UBE3C: variants seen among roughly 807,000 people sequenced by gnomAD.
UBE3C encodes the protein ubiquitin protein ligase E3C.
Under a neutral mutation model 129.4 loss-of-function variants are expected in UBE3C, and 42 were observed. The observed-to-expected ratio is 0.32, with a 90% CI of 0.25 to 0.42. UBE3C has a LOEUF of 0.42. Among genes scored for constraint, UBE3C ranks in the 10% least tolerant of loss-of-function variants. The probability of loss-of-function intolerance (pLI) is 1.00; values close to 1 mark genes in which losing one functional copy is unlikely to be tolerated. For missense variants in UBE3C, 1,049 were observed against 1,319.1 expected (o/e 0.80, Z 3.17); for synonymous variants, 510 against 492.4 (o/e 1.04, Z -0.47).
chr7:157,196,019 G>T (rs28459514), intron 10 of UBE3C, among the ~76,000 whole-genome samples: 2 of 152,098 alleles, frequency 1.3e-5, no homozygotes, highest in Admixed American at 1.3e-4. Context: ...AAGACGAGGC[G>T]ATAAGCCCAG....
At position 157,248,335 on chromosome 7, in the gene UBE3C, C is replaced by A. The variant is rs73743327; in HGVS notation, c.2482-33C>A. 2.5e-6 allele frequency: 4 copies of A among 1,583,166 alleles called. No individual in the cohort carries two copies. The South Asian group carries it at 3.4e-5, about 13-fold the overall frequency. On this transcript the variant is annotated intron_variant, in intron 18 of 22. Transcript: ENST00000348165. ...TTTGTTTGTAGAAGGCTTGTATATT[C>A]GATGCTAACGTTGTCACTGTTCTCT...
intron 4 of UBE3C, among the ~76,000 whole-genome samples, chr7:157,171,513 G>A (rs1469450562): frequency 3.3e-5 from 5 of 151,408 alleles, no homozygotes; most frequent in Non-Finnish European, 7.4e-5. Flanking sequence ...TCAGTGCTGA[G>A]GAACAGTGTG....
intron 14 of UBE3C, among the ~76,000 whole-genome samples, chr7:157,218,163 C>T (rs936188447): frequency 2.6e-5 from 4 of 151,888 alleles, no homozygotes; most frequent in African/African-American, 7.3e-5. Context: ...GAAACCATGT[C>T]GGCTGGGCGC....
At chr7:157,147,312 A>C (rs1422647390) in intron 1 of UBE3C, among the ~76,000 whole-genome samples, 1 of 152,154 alleles carries the variant, frequency 6.6e-6, no homozygotes, top group African/African-American at 2.4e-5. Flanking sequence ...ATTGTGTTTC[A>C]GTTTCAAATT....
chr7:157,216,764 C>G lies in UBE3C; in HGVS notation c.1810-103C>G, dbSNP rs181415142. ...TTTGGTGTCCGGCTCGACCTGGGTT[C>G]CTGCACCACCGCTGTGTGCTCCTCC... On this transcript the variant is annotated intron_variant, in intron 13 of 22. Coordinates refer to ENST00000348165, the MANE Select transcript of UBE3C (RefSeq NM_014671.3). The G allele has an allele frequency of 1.6e-5, 14 of 870,708 alleles. No individual in the cohort carries two copies. The African/African-American group carries it at 2.2e-4, about 14-fold the overall frequency. The allele number at this position is 870,708 out of a possible 1,614,324, so 53.9% of individuals were successfully genotyped here.
chr7:157,201,738 C>T lies in UBE3C; in HGVS notation c.1349C>T (p.Ala450Val). The T allele has an allele frequency of 1.9e-6, 3 of 1,590,248 alleles. No individual in the cohort carries two copies. Among genetic ancestry groups the T allele is most frequent in the Non-Finnish European group, 2.6e-6 (3 of 1,169,088 alleles). Residue 450 changes from alanine (A) to valine (V), a missense_variant, in exon 11 of 23, where the codon GCC (alanine) becomes GTC (valine). Transcript: ENST00000348165. Reference protein sequence around the residue: ...VPKVRLLYSLAFNARFLRHLW... With the variant: ...VPKVRLLYSLVFNARFLRHLW... ...CTTTTTAGGCTTCTCTACAGTTTAG[C>T]CTTTAATGCCAGGTTTCTGAGACAT...
intron 1 of UBE3C, among the ~76,000 whole-genome samples, chr7:157,163,025 G>T (rs1416321130): frequency 6.6e-6 from 1 of 151,970 alleles, no homozygotes; most frequent in South Asian, 2.1e-4. Flanking sequence ...TTTCATCAAA[G>T]AAATTGATTT....
Position 157,207,384 on chromosome 7 carries a change from T to G in UBE3C, c.1419-14T>G. On this transcript the variant is annotated splice_polypyrimidine_tract_variant and intron_variant, in intron 11 of 22. Transcript: ENST00000348165. Reference sequence around the variant, plus strand: ...TAAAGTGACTGGTTTTTTTCTTCTTTTCTTTAATTCAAGGTCTATGGTACC... The same window carrying G: ...TAAAGTGACTGGTTTTTTTCTTCTTGTCTTTAATTCAAGGTCTATGGTACC... The G allele has an allele frequency of 6.3e-7, 1 of 1,592,326 alleles. No individual in the cohort carries two copies. Among genetic ancestry groups the G allele is most frequent in the Non-Finnish European group, 8.5e-7 (1 of 1,175,500 alleles).
At chr7:157,158,591 T>C (rs1807981858) in intron 1 of UBE3C, among the ~76,000 whole-genome samples, 1 of 152,228 alleles carries the variant, frequency 6.6e-6, no homozygotes, top group Non-Finnish European at 1.5e-5. Context: ...TGTCTAATGA[T>C]TTAGCTCATT....
chr7:157,253,519 T>A (rs1426669581), intron 19 of UBE3C, among the ~76,000 whole-genome samples: 1 of 152,226 alleles, frequency 6.6e-6, no homozygotes, highest in East Asian at 1.9e-4. Flanking sequence ...CACAGGTAAG[T>A]GTGTGCTGCT....
chr7:157,187,311 T>C (rs1444021319), intron 10 of UBE3C, among the ~76,000 whole-genome samples: 1 of 152,158 alleles, frequency 6.6e-6, no homozygotes, highest in African/African-American at 2.4e-5. Flanking sequence ...GCTGGACTCA[T>C]ACCTGCATTA....
At chr7:157,145,297 C>T (rs1439634294) in intron 1 of UBE3C, among the ~76,000 whole-genome samples, 1 of 151,000 alleles carries the variant, frequency 6.6e-6, no homozygotes, top group Non-Finnish European at 1.5e-5. Flanking sequence ...GAGGGTGTAT[C>T]ACCTGGAGTC....
intron 16 of UBE3C, 23 bp from the exon 17 acceptor site, chr7:157,225,384 T>G (rs1429624770): frequency 6.3e-6 from 10 of 1,588,818 alleles, no homozygotes; most frequent in Non-Finnish European, 8.5e-6. Context: ...TCTAATAACC[T>G]TACAGCTTTC....
At chr7:157,202,579 C>A (rs565439641) in intron 11 of UBE3C, among the ~76,000 whole-genome samples, 9 of 152,248 alleles carry the variant, frequency 5.9e-5, no homozygotes, top group African/African-American at 2.2e-4. Flanking sequence ...ATCGCTTAAA[C>A]CTGGAAGGCG....
At chr7:157,200,923 C>G (rs940350760) in intron 10 of UBE3C, among the ~76,000 whole-genome samples, 1 of 151,928 alleles carries the variant, frequency 6.6e-6, no homozygotes, top group Admixed American at 6.6e-5. Flanking sequence ...GCCTAAAAAT[C>G]TTTAAGATAC....
intron 21 of UBE3C, among the ~76,000 whole-genome samples, chr7:157,255,814 T>C (rs1796737361): frequency 6.6e-6 from 1 of 152,202 alleles, no homozygotes; most frequent in South Asian, 2.1e-4. Flanking sequence ...TGGCAGACAT[T>C]ACATTTCAGA....
At chr7:157,229,041 C>T (rs936925985) in intron 17 of UBE3C, among the ~76,000 whole-genome samples, 2 of 152,158 alleles carry the variant, frequency 1.3e-5, no homozygotes, top group Non-Finnish European at 2.9e-5. Context: ...TGACTATGCA[C>T]CAAAGCCAAC....
At chr7:157,172,869 A>G (rs776039379) in intron 4 of UBE3C, among the ~76,000 whole-genome samples, 13 of 152,192 alleles carry the variant, frequency 8.5e-5, no homozygotes, top group South Asian at 2.1e-4. Flanking sequence ...CAGAGCACCT[A>G]TTGCCTTTGA....
intron 19 of UBE3C, among the ~76,000 whole-genome samples, chr7:157,250,336 A>G (rs1478455825): frequency 6.6e-6 from 1 of 152,030 alleles, no homozygotes; most frequent in East Asian, 1.9e-4. Flanking sequence ...ACAGGCGTAC[A>G]CCACCAAACC....
Sources: gnomAD v4.1 joint callset for allele counts (sites outside exome capture counted in the v4.1 genomes callset) on GRCh38, gnomAD v4.1.1 for gene constraint, MANE v1.5 for transcripts, NCBI Gene and HGNC (gene_info 2026-07-23, HGNC 2026-07-21) for gene names.